PAX5: variants seen among roughly 807,000 people sequenced by gnomAD.
PAX5 encodes paired box 5.
Under a neutral mutation model 43.7 loss-of-function variants are expected in PAX5, and 9 were observed. The ratio of observed to expected loss-of-function variants is 0.21; its 90% CI spans 0.12 to 0.36. The LOEUF is 0.36. Among genes scored for constraint, PAX5 ranks in the 10% least tolerant of loss-of-function variants. The pLI, the probability that PAX5 is intolerant of heterozygous loss-of-function variation, is 1.00. For synonymous variants in PAX5, 228 were observed against 214.3 expected (o/e 1.06, Z -0.56); for missense variants, 383 against 532.7 (o/e 0.72, Z 2.77).
intron 7 of PAX5, among the ~76,000 whole-genome samples, chr9:36,891,668 G>A (rs753675411): frequency 6.6e-6 from 1 of 152,214 alleles, no homozygotes; most frequent in African/African-American, 2.4e-5. Context: ...TCATTAAAGC[G>A]GATCTGGCAG....
chr9:36,991,604 T>G (rs2132329993), intron 5 of PAX5, among the ~76,000 whole-genome samples: 1 of 152,306 alleles, frequency 6.6e-6, no homozygotes, highest in African/African-American at 2.4e-5. Flanking sequence ...GAAGTGAGAC[T>G]TCAGCTAATG....
At chr9:36,929,838 G>A (rs917408610) in intron 6 of PAX5, among the ~76,000 whole-genome samples, 8 of 152,056 alleles carry the variant, frequency 5.3e-5, no homozygotes, top group Admixed American at 1.3e-4. Context: ...TGATTCTCCC[G>A]TCTCAACCTC....
chr9:37,012,386 T>C (rs1839008880), intron 3 of PAX5, among the ~76,000 whole-genome samples: 1 of 152,184 alleles, frequency 6.6e-6, no homozygotes, highest in Non-Finnish European at 1.5e-5. Context: ...TCTTGGCCTC[T>C]GTTGCTACAA....
At chr9:36,972,856 C>G (rs1410450591) in intron 5 of PAX5, among the ~76,000 whole-genome samples, 1 of 151,758 alleles carries the variant, frequency 6.6e-6, no homozygotes, top group Admixed American at 6.6e-5. Flanking sequence ...GGTGAAACCC[C>G]GTCTCTACTA....
chr9:36,881,924 C>A, intron 8 of PAX5, 80 bp downstream of exon 8: 1 of 1,026,880 alleles, frequency 9.7e-7, no homozygotes, highest in African/African-American at 1.6e-5. Context: ...AGAGGTCACC[C>A]AGGCTGTTTG....
intron 5 of PAX5, among the ~76,000 whole-genome samples, chr9:36,969,419 G>A (rs1834739915): frequency 6.6e-6 from 1 of 152,250 alleles, no homozygotes; most frequent in Non-Finnish European, 1.5e-5. Flanking sequence ...AGTTCAGAGA[G>A]GGTGGCTCCA....
At chr9:36,985,073 T>G (rs1836278347) in intron 5 of PAX5, among the ~76,000 whole-genome samples, 1 of 152,110 alleles carries the variant, frequency 6.6e-6, no homozygotes, top group Non-Finnish European at 1.5e-5. Flanking sequence ...AGCAAACTAG[T>G]GTTAGATTCC....
At chr9:36,969,491 A>T (rs1440299006) in intron 5 of PAX5, among the ~76,000 whole-genome samples, 1 of 152,218 alleles carries the variant, frequency 6.6e-6, no homozygotes, top group Non-Finnish European at 1.5e-5. Flanking sequence ...CACAGAGTAA[A>T]GGCTCAGGGC....
At chr9:36,962,728 G>A (rs749990535) in intron 6 of PAX5, among the ~76,000 whole-genome samples, 6 of 152,226 alleles carry the variant, frequency 3.9e-5, no homozygotes, top group Non-Finnish European at 5.9e-5. Context: ...CCCAAGGCCA[G>A]TAAGTGCTCT....
intron 2 of PAX5, among the ~76,000 whole-genome samples, chr9:37,019,222 C>G (rs544662501): frequency 9.2e-5 from 14 of 152,216 alleles, no homozygotes; most frequent in Non-Finnish European, 1.6e-4. Context: ...TTCTTTTTCT[C>G]TTTTTCTTTT....
intron 6 of PAX5, among the ~76,000 whole-genome samples, chr9:36,929,416 G>A (rs540231053): frequency 1.6e-4 from 24 of 152,146 alleles, no homozygotes; most frequent in Non-Finnish European, 1.0e-4. Context: ...GCTGAGTGGC[G>A]GGGTGCAGAG....
chr9:36,863,979 T>G (rs10973111), intron 8 of PAX5, among the ~76,000 whole-genome samples: 7 of 152,130 alleles, frequency 4.6e-5, no homozygotes, highest in South Asian at 2.1e-4. Context: ...CATGGTGGCA[T>G]GTGCCTGTAG....
intron 6 of PAX5, among the ~76,000 whole-genome samples, chr9:36,964,196 G>A (rs1409211654): frequency 6.7e-6 from 1 of 150,238 alleles, no homozygotes; most frequent in Non-Finnish European, 1.5e-5. Flanking sequence ...CAGGAGAAAG[G>A]CGCGAACCCG....
At position 36,835,828 on chromosome 9, in the gene PAX5, G is replaced by C. The variant is rs1183501268; in HGVS notation, c.*4732C>G. ...GCCACCGTGGAGCCGGTCTAGCTCA[G>C]AGCCCTGTGGGATCCACCCATGCCT... On this transcript the variant is annotated 3_prime_UTR_variant, in exon 10 of 10. Transcript: ENST00000358127. 4.3e-6 allele frequency: 1 copy of C among 233,394 alleles called. No homozygotes were observed. The allele number at this position is 233,394 out of a possible 1,614,324, so 14.5% of individuals were successfully genotyped here.
intron 8 of PAX5, among the ~76,000 whole-genome samples, chr9:36,851,051 G>T (rs1823111924): frequency 6.6e-6 from 1 of 152,222 alleles, no homozygotes. Flanking sequence ...CAGGCCATCT[G>T]CTCACTGGTT....
intron 6 of PAX5, chr9:36,930,812 T>C: frequency 7.7e-7 from 1 of 1,297,056 alleles, no homozygotes; most frequent in South Asian, 1.2e-5. Context: ...GTTCAGGAAT[T>C]CTAGCAAGGG....
At chr9:36,890,480 C>A (rs1390693556) in intron 7 of PAX5, among the ~76,000 whole-genome samples, 1 of 152,198 alleles carries the variant, frequency 6.6e-6, no homozygotes, top group Non-Finnish European at 1.5e-5. Context: ...AGGAAGCCTG[C>A]ACACTCCAGG....
At chr9:36,887,353 A>G (rs890118181) in intron 7 of PAX5, among the ~76,000 whole-genome samples, 6 of 152,220 alleles carry the variant, frequency 3.9e-5, no homozygotes, top group African/African-American at 1.4e-4. Context: ...TTATATGGAA[A>G]TCTAGCATAC....
rs2131561096 is a variant in PAX5, at chr9:36,839,217, C to T, written c.*1343G>A. On this transcript the variant is annotated 3_prime_UTR_variant, in exon 10 of 10. Transcript: ENST00000358127. The stretch of plus-strand genomic sequence containing the variant: ...GGCCTTCCTCTGTCCCCCAGATCTT[C>T]CCTGCTGGCTTCCTCTGACCACCCT... 1 of 233,718 alleles carries T rather than the reference C, an allele frequency of 4.3e-6. No individual in the cohort carries two copies. Among genetic ancestry groups the T allele is most frequent in the Non-Finnish European group, 8.5e-6 (1 of 118,298 alleles). 14.5% of individuals were successfully genotyped at this position (233,718 alleles called of 1,614,324 possible). A position where few individuals can be genotyped will look rare whatever the true frequency, so the allele number is the denominator to read the frequency against.
Sources: allele counts gnomAD v4.1 joint callset (sites outside exome capture counted in the v4.1 genomes callset), GRCh38; gene constraint gnomAD v4.1.1; transcripts MANE v1.5; gene names NCBI Gene and HGNC (gene_info 2026-07-23, HGNC 2026-07-21).